THSD4: variants seen among roughly 807,000 people sequenced by gnomAD.
THSD4 encodes thrombospondin type 1 domain containing 4.
In THSD4, 69 loss-of-function variants were observed where a neutral mutation model predicts 119.0. The ratio of observed to expected loss-of-function variants is 0.58; its 90% CI spans 0.48 to 0.71. THSD4 has a LOEUF of 0.71. THSD4 is among the 30% of genes least tolerant of loss of function. The probability of loss-of-function intolerance (pLI) is 0.00; values close to 1 mark genes in which losing one functional copy is unlikely to be tolerated. For missense variants in THSD4, 1,393 were observed against 1,391.1 expected (o/e 1.00, Z -0.02); for synonymous variants, 524 against 540.4 (o/e 0.97, Z 0.42).
At chr15:71,279,611 G>A (rs140050767) in intron 6 of THSD4, among the ~76,000 whole-genome samples, 12 of 152,184 alleles carry the variant, frequency 7.9e-5, no homozygotes, top group African/African-American at 2.6e-4. Flanking sequence ...CATCCGTACC[G>A]CCCTGGCTTC....
chr15:71,767,761 G>T (rs910950415), intron 16 of THSD4: 3 of 152,266 alleles, frequency 2.0e-5, no homozygotes, highest in Admixed American at 6.5e-5. Context: ...GGATTCAGAG[G>T]GGGTGGCCGC....
chr15:71,387,122 G>A (rs2046303836), intron 6 of THSD4, among the ~76,000 whole-genome samples: 2 of 152,000 alleles, frequency 1.3e-5, no homozygotes, highest in South Asian at 4.1e-4. Flanking sequence ...GGCTTCTTAG[G>A]ACTTGGGCCG....
intron 6 of THSD4, among the ~76,000 whole-genome samples, chr15:71,378,180 A>G (rs1456307773): frequency 6.6e-6 from 1 of 152,188 alleles, no homozygotes; most frequent in Non-Finnish European, 1.5e-5. Flanking sequence ...AGTGATGTGT[A>G]TATTTATTAG....
chr15:71,193,755 A>C (rs543154993), intron 3 of THSD4, among the ~76,000 whole-genome samples: 2 of 152,034 alleles, frequency 1.3e-5, no homozygotes, highest in Non-Finnish European at 2.9e-5. Context: ...TTGCCCAGGC[A>C]GGAGTGCAGT....
chr15:71,564,654 TACA>T (rs1244793188), intron 7 of THSD4, among the ~76,000 whole-genome samples: 1 of 24,716 alleles, frequency 4.0e-5, no homozygotes, highest in South Asian at 6.3e-4. Flanking sequence ...TAACATATAA[TACA>T]ATATATAGTA....
At chr15:71,112,399 T>G, upstream of THSD4, 1 of 562,888 alleles carries the variant, frequency 1.8e-6, no homozygotes, top group African/African-American at 1.9e-5. Context: ...AACTGACACA[T>G]GACAGAAGAG....
chr15:71,756,724 G>A (rs2053545864), intron 14 of THSD4, among the ~76,000 whole-genome samples: 1 of 152,230 alleles, frequency 6.6e-6, no homozygotes, highest in Non-Finnish European at 1.5e-5. Context: ...GCTGCAGTGA[G>A]CTGAGATCAC....
chr15:71,277,141 T>G (rs561008002), intron 6 of THSD4, among the ~76,000 whole-genome samples: 51 of 150,384 alleles, frequency 3.4e-4, no homozygotes, highest in South Asian at 1.0e-3. Context: ...TTTTTTTTTT[T>G]TGAAACGGAG....
At chr15:71,370,024 C>T (rs565928674) in intron 6 of THSD4, among the ~76,000 whole-genome samples, 28 of 151,786 alleles carry the variant, frequency 1.8e-4, no homozygotes, top group African/African-American at 6.0e-4. Flanking sequence ...GTGTATGTGT[C>T]GAGGAATTTA....
At chr15:71,203,206 A>C (rs1338864878) in intron 3 of THSD4, among the ~76,000 whole-genome samples, 4 of 152,102 alleles carry the variant, frequency 2.6e-5, no homozygotes, top group Non-Finnish European at 5.9e-5. Context: ...GGGGACAGAG[A>C]TGGAGTTGAA....
chr15:71,273,105 G>A (rs1332252885), intron 6 of THSD4, among the ~76,000 whole-genome samples: 2 of 152,174 alleles, frequency 1.3e-5, no homozygotes, highest in African/African-American at 2.4e-5. Context: ...CATGTTCACT[G>A]CAGCGTTATT....
chr15:71,739,412 G>A (rs2053192259), intron 11 of THSD4, among the ~76,000 whole-genome samples: 1 of 152,178 alleles, frequency 6.6e-6, no homozygotes, highest in Non-Finnish European at 1.5e-5. Flanking sequence ...GGTTGTGATA[G>A]GCTGAAAGCA....
chr15:71,215,107 GCCTGGGGCC>G lies in THSD4; in HGVS notation c.178_186del (p.Gly60_Trp62del). Reference sequence around the variant, plus strand: ...CGGCGGCGCCCCGGGAGTGTGGGGCGCCTGGGGCCCCTGGTCGGCCTGCTCGCGTAGCTG... The same window carrying G: ...CGGCGGCGCCCCGGGAGTGTGGGGCGCCTGGTCGGCCTGCTCGCGTAGCTG... On this transcript the variant is annotated inframe_deletion, in exon 4 of 18. Transcript: ENST00000261862. 2.2e-6 allele frequency: 3 copies of G among 1,337,856 alleles called. No homozygotes were observed. The highest frequency in any genetic ancestry group is 2.9e-6 in the Non-Finnish European group (3 of 1,041,706). 82.9% of individuals were successfully genotyped at this position (1,337,856 alleles called of 1,614,324 possible). A position where few individuals can be genotyped will look rare whatever the true frequency, so the allele number is the denominator to read the frequency against.
intron 10 of THSD4, among the ~76,000 whole-genome samples, chr15:71,736,349 GTCTTGCTC>G (rs150948917): frequency 0.061 from 8,604 of 140,406 alleles, 249 homozygotes; most frequent in South Asian, 0.13. Flanking sequence ...CTGACTCTCT[GTCTTGCTC>G]TCTTGCTCTC....
intron 6 of THSD4, among the ~76,000 whole-genome samples, chr15:71,316,414 T>C (rs1443290277): frequency 6.6e-6 from 1 of 152,194 alleles, no homozygotes; most frequent in African/African-American, 2.4e-5. Context: ...TATTTTACAA[T>C]CTTGAAGTTA....
At chr15:71,409,247 A>T (rs1485730860) in intron 6 of THSD4, among the ~76,000 whole-genome samples, 1 of 151,560 alleles carries the variant, frequency 6.6e-6, no homozygotes, top group Non-Finnish European at 1.5e-5. Context: ...AAAGATACAG[A>T]TAGTTGGGAG....
At chr15:71,305,087 C>T (rs1015496391) in intron 6 of THSD4, among the ~76,000 whole-genome samples, 4 of 152,216 alleles carry the variant, frequency 2.6e-5, no homozygotes, top group African/African-American at 9.6e-5. Context: ...GATGAGGATT[C>T]TGGGGAAAAC....
intron 7 of THSD4, among the ~76,000 whole-genome samples, chr15:71,413,761 A>G (rs75520299): frequency 0.023 from 3,525 of 152,334 alleles, 136 homozygotes; most frequent in African/African-American, 0.082. Context: ...GGCAGGAAAC[A>G]TCATGGGAAA....
At chr15:71,763,865 G>A (rs1267148594) in intron 15 of THSD4, among the ~76,000 whole-genome samples, 1 of 152,136 alleles carries the variant, frequency 6.6e-6, no homozygotes, top group Non-Finnish European at 1.5e-5. Context: ...AGGAGTTCAA[G>A]ACCAGCCTGG....
Sources: gnomAD v4.1 joint callset for allele counts (sites outside exome capture counted in the v4.1 genomes callset) on GRCh38, gnomAD v4.1.1 for gene constraint, MANE v1.5 for transcripts, NCBI Gene and HGNC (gene_info 2026-07-23, HGNC 2026-07-21) for gene names.